ME1: variants seen among roughly 807,000 people sequenced by gnomAD.
ME1 encodes the protein malic enzyme 1.
ME1 carries 74 observed loss-of-function variants against 66.4 expected under a neutral mutation model. That is an observed-to-expected ratio of 1.11 (90% CI 0.92 to 1.35). The LOEUF (loss-of-function observed/expected upper bound fraction) is 1.35. ME1 is among the 40% of genes most tolerant of loss of function. The probability of loss-of-function intolerance (pLI) is 0.00; values close to 1 mark genes in which losing one functional copy is unlikely to be tolerated. For missense variants in ME1, 750 were observed against 694.1 expected (o/e 1.08, Z -0.90); for synonymous variants, 251 against 235.6 (o/e 1.07, Z -0.60).
intron 6 of ME1, among the ~76,000 whole-genome samples, chr6:83,310,149 G>C (rs1398243269): frequency 6.6e-6 from 1 of 152,110 alleles, no homozygotes; most frequent in Non-Finnish European, 1.5e-5. Flanking sequence ...ATCCCCCACT[G>C]TTGTCCTGGG....
At chr6:83,248,572 C>A (rs565378367) in intron 7 of ME1, among the ~76,000 whole-genome samples, 1 of 152,190 alleles carries the variant, frequency 6.6e-6, no homozygotes, top group South Asian at 2.1e-4. Flanking sequence ...GTAGTTCCCA[C>A]GTGTTGAGGG....
chr6:83,223,775 GA>G lies in ME1; in HGVS notation c.1433del (p.Phe478SerfsTer8), dbSNP rs1448239685. ...CGLRQITDNIFLTTAEVIAQQ... is the reference protein window; with the variant it reads ...CGLRQITDNIXLTTAEVIAQQ... Reference sequence around the variant, plus strand: ...TTTACAATACCTCAGCAGTAGTGAGGAAAATATTATCTGTGATCTGCCTCAA... The same window carrying G: ...TTTACAATACCTCAGCAGTAGTGAGGAAATATTATCTGTGATCTGCCTCAA... On this transcript the variant is annotated frameshift_variant, in exon 12 of 14. Coordinates refer to ENST00000369705, the MANE Select transcript of ME1 (RefSeq NM_002395.6). LOFTEE classifies it high-confidence loss of function. The G allele has an allele frequency of 6.2e-7, 1 of 1,613,578 alleles. No homozygotes were observed. The highest frequency in any genetic ancestry group is 8.5e-7 in the Non-Finnish European group (1 of 1,179,760).
At chr6:83,328,502 AT>A (rs1030455377) in intron 5 of ME1, among the ~76,000 whole-genome samples, 13 of 152,210 alleles carry the variant, frequency 8.5e-5, no homozygotes, top group African/African-American at 3.1e-4. Flanking sequence ...CCTGTTAAAA[AT>A]TAGTTTTTTT....
intron 6 of ME1, among the ~76,000 whole-genome samples, chr6:83,297,129 G>A (rs1462069981): frequency 6.6e-6 from 1 of 152,074 alleles, no homozygotes; most frequent in East Asian, 1.9e-4. Flanking sequence ...CCCAAGGGAT[G>A]TAAAAGTACC....
At chr6:83,373,041 T>A (rs999526755) in intron 3 of ME1, among the ~76,000 whole-genome samples, 1 of 152,194 alleles carries the variant, frequency 6.6e-6, no homozygotes, top group Admixed American at 6.5e-5. Flanking sequence ...AGATAAAAAT[T>A]TCATGTTATT....
At chr6:83,328,259 T>C (rs982604436) in intron 5 of ME1, among the ~76,000 whole-genome samples, 1 of 151,910 alleles carries the variant, frequency 6.6e-6, no homozygotes, top group Non-Finnish European at 1.5e-5. Flanking sequence ...AAGTGGGAAC[T>C]GAACAATGAG....
At chr6:83,256,409 G>A (rs1222817946) in intron 6 of ME1, among the ~76,000 whole-genome samples, 1 of 151,870 alleles carries the variant, frequency 6.6e-6, no homozygotes, top group Non-Finnish European at 1.5e-5. Flanking sequence ...TCAACAGTAA[G>A]GTTTATGTGG....
intron 5 of ME1, among the ~76,000 whole-genome samples, chr6:83,341,412 G>C (rs1353283761): frequency 6.6e-6 from 1 of 152,100 alleles, no homozygotes; most frequent in Non-Finnish European, 1.5e-5. Flanking sequence ...GCCTGAAGTT[G>C]GTTTCGGGAA....
At chr6:83,350,063 A>G (rs1252419005) in intron 4 of ME1, among the ~76,000 whole-genome samples, 2 of 152,174 alleles carry the variant, frequency 1.3e-5, no homozygotes, top group Non-Finnish European at 2.9e-5. Context: ...CACCTATAAT[A>G]CCACACATTT....
intron 6 of ME1, among the ~76,000 whole-genome samples, chr6:83,293,527 A>G (rs921661391): frequency 1.3e-5 from 2 of 152,202 alleles, no homozygotes; most frequent in Non-Finnish European, 2.9e-5. Flanking sequence ...AATTTTCCAC[A>G]GGCAAAATTT....
chr6:83,352,578 G>A (rs1473331963), intron 3 of ME1, among the ~76,000 whole-genome samples: 1 of 152,092 alleles, frequency 6.6e-6, no homozygotes, highest in East Asian at 1.9e-4. Flanking sequence ...ACATGAAGAT[G>A]AGAACATGTG....
chr6:83,307,962 A>G (rs1767856693), intron 6 of ME1, among the ~76,000 whole-genome samples: 1 of 152,156 alleles, frequency 6.6e-6, no homozygotes, highest in Non-Finnish European at 1.5e-5. Flanking sequence ...CTCAAGGACT[A>G]TTACCAACTT....
intron 5 of ME1, 97 bp downstream of exon 5, chr6:83,346,076 A>G: frequency 1.0e-6 from 1 of 987,670 alleles, no homozygotes; most frequent in Non-Finnish European, 1.4e-6. Context: ...CAGACAAAAA[A>G]GAATGAATTT....
chr6:83,346,256 T>G lies in ME1; in HGVS notation c.517A>C (p.Lys173Gln), dbSNP rs1768684446. The change falls in exon 5 of 14, where the codon AAA (lysine) becomes CAA (glutamine). Residue 173 changes from lysine (K) to glutamine (Q), a missense_variant. By Grantham distance (53) the Lys-to-Gln change is moderately conservative (BLOSUM62 1). Transcript: ENST00000369705. The part of the protein sequence containing the change: ...GCNGMGIPVG[K>Q]LALYTACGGM... ...CCGCAAGCTGTATATAGAGCCAATT[T>G]ACCCACAGGGATGCCCATTCCATTA... The G allele has an allele frequency of 1.2e-6, 2 of 1,613,554 alleles. No individual in the cohort carries two copies. Among genetic ancestry groups the G allele is most frequent in the African/African-American group, 2.7e-5 (2 of 74,900 alleles).
chr6:83,357,902 C>CCTCTCTCTCTCTCTCTCT lies in ME1; in HGVS notation c.363-5781_363-5764dup, dbSNP rs1051682306. Among the ~76,000 whole-genome samples, 40 of 31,544 alleles carry CCTCTCTCTCTCTCTCTCT rather than the reference C, an allele frequency of 1.3e-3. 2 individuals carry two copies. The highest frequency in any genetic ancestry group is 1.8e-3 in the South Asian group (1 of 568). The allele number at this position is 31,544 out of a possible 152,430, so 20.7% of individuals were successfully genotyped here. A position where few individuals can be genotyped will look rare whatever the true frequency, so the allele number is the denominator to read the frequency against. ...TGTTAGTTAATACTTAATAAACTCC[C>CCTCTCTCTCTCTCTCTCT]CTCTCTCTCTCTCTCTCTCTCTCTC... is the stretch of plus-strand genomic sequence containing the variant. On this transcript the variant is annotated intron_variant, in intron 3 of 13. Coordinates refer to ENST00000369705, the MANE Select transcript of ME1 (RefSeq NM_002395.6).
At position 83,431,000 on chromosome 6, in the gene ME1, A is replaced by G. The variant is rs1375621038; in HGVS notation, c.-46T>C. ...GCGGGGTCAGGCCGGGGCGGGCCGC[A>G]CGCGCGGTGCAGGCGGCGGATGCTG... On this transcript the variant is annotated 5_prime_UTR_variant, in exon 1 of 14. Transcript: ENST00000369705. The G allele has an allele frequency of 1.6e-6, 2 of 1,283,938 alleles. No individual in the cohort carries two copies. Among genetic ancestry groups the G allele is most frequent in the South Asian group, 1.6e-5 (1 of 61,282 alleles). The allele number at this position is 1,283,938 out of a possible 1,614,324, so 79.5% of individuals were successfully genotyped here.
intron 7 of ME1, among the ~76,000 whole-genome samples, chr6:83,247,504 T>TAA (rs1191930529): frequency 6.6e-6 from 1 of 151,760 alleles, no homozygotes. Context: ...TTTTCATAAA[T>TAA]CATATCTTTA....
chr6:83,276,896 T>C (rs1305988105), intron 6 of ME1, among the ~76,000 whole-genome samples: 2 of 152,220 alleles, frequency 1.3e-5, no homozygotes, highest in Non-Finnish European at 2.9e-5. Flanking sequence ...TACAAAAAGT[T>C]CTGTCACTGA....
intron 6 of ME1, 131 bp from the exon 7 acceptor site, chr6:83,253,869 A>T (rs1790763128): frequency 1.9e-6 from 1 of 540,322 alleles, no homozygotes; most frequent in Admixed American, 3.1e-5. Flanking sequence ...GCTTAAGTAT[A>T]AATATGTAAT....
Sources: gnomAD v4.1 joint callset for allele counts (sites outside exome capture counted in the v4.1 genomes callset) on GRCh38, gnomAD v4.1.1 for gene constraint, MANE v1.5 for transcripts, NCBI Gene and HGNC (gene_info 2026-07-23, HGNC 2026-07-21) for gene names.